The following LAMA3 variants were observed in gnomAD, a reference collection of about 807,000 sequenced individuals.
LAMA3 encodes laminin subunit alpha-3.
In LAMA3, 281 loss-of-function variants were observed where a neutral mutation model predicts 402.0. The observed-to-expected ratio is 0.70, with a 90% CI of 0.63 to 0.77. The LOEUF is 0.77. LAMA3 is among the 30% of genes least tolerant of loss of function. The pLI is 0.00. For synonymous variants in LAMA3, 1,431 were observed against 1,558.4 expected, an observed-to-expected ratio of 0.92 and a Z score of 1.93; for missense variants, 3,840 against 4,215.5, an observed-to-expected ratio of 0.91 and a Z score of 2.47.
chr18:23,884,657 AC>A, intron 40 of LAMA3, 115 bp from the exon 41 acceptor site: 1 of 972,392 alleles, frequency 1.0e-6, no homozygotes, highest in Non-Finnish European at 1.6e-6. Flanking sequence ...ACACAAAGTA[AC>A]CAGACCCTGG....
At chr18:23,756,999 T>G (rs917230516) in intron 6 of LAMA3, among the ~76,000 whole-genome samples, 32 of 145,262 alleles carry the variant, frequency 2.2e-4, no homozygotes, top group Admixed American at 4.8e-4. Context: ...GGGTGAATTC[T>G]GGGTCCAGGA....
chr18:23,709,976 G>A, intron 1 of LAMA3: 1 of 738,898 alleles, frequency 1.4e-6, no homozygotes, highest in Non-Finnish European at 2.5e-6. Context: ...TTTGGTGTTT[G>A]TTGGCTTTAA....
rs191614211 is a variant in LAMA3, at chr18:23,871,358, G to C, written c.4768-73G>C. 5,156 of 1,167,212 alleles carry C rather than the reference G, an allele frequency of 4.4e-3. 30 individuals are homozygous for C. The highest frequency in any genetic ancestry group is 5.5e-3 in the Non-Finnish European group (4,277 of 774,666). The allele number at this position is 1,167,212 out of a possible 1,614,324, so 72.3% of individuals were successfully genotyped here. On this transcript the variant is annotated intron_variant, in intron 37 of 74. Transcript: ENST00000313654. The stretch of plus-strand genomic sequence containing the variant: ...GTGTCTTGTTTTTGATTCATTCGGG[G>C]TGTCTGCCTCTAAGGAACCCCTGGA...
rs546485053 is a variant in LAMA3 at position 23,861,545 on chromosome 18, G to T, written c.4423-101G>T. ...GCATAAAGGAGGCCTCTGAGGCAAGGAGGCTGCCCGTGGAGCTTTCTGTAG... is the reference window on the plus strand; with the variant it reads ...GCATAAAGGAGGCCTCTGAGGCAAGTAGGCTGCCCGTGGAGCTTTCTGTAG... On this transcript the variant is annotated intron_variant, in intron 34 of 74. Coordinates refer to ENST00000313654, the MANE Select transcript of LAMA3 (RefSeq NM_198129.4). The T allele has an allele frequency of 8.4e-4, 1,139 of 1,350,112 alleles. 3 individuals are homozygous for T. Among genetic ancestry groups the T allele is most frequent in the Non-Finnish European group, 1.1e-3 (1,025 of 948,614 alleles). The allele number at this position is 1,350,112 out of a possible 1,614,324, so 83.6% of individuals were successfully genotyped here.
intron 23 of LAMA3, among the ~76,000 whole-genome samples, chr18:23,833,423 C>T (rs1568232988): frequency 6.6e-6 from 1 of 151,996 alleles, no homozygotes; most frequent in Non-Finnish European, 1.5e-5. Flanking sequence ...AGCCCAAAGG[C>T]ACATTTCCAT....
At chr18:23,780,951 G>C (rs1261461840) in intron 11 of LAMA3, among the ~76,000 whole-genome samples, 1 of 152,202 alleles carries the variant, frequency 6.6e-6, no homozygotes, top group Non-Finnish European at 1.5e-5. Context: ...GAAGGAGCAA[G>C]ATAGGAAGCA....
rs1267701341 is a variant in LAMA3 at position 23,740,466 on chromosome 18, C to T, written c.448-7477C>T. Among the ~76,000 whole-genome samples, 3 of 151,874 alleles carry T rather than the reference C, an allele frequency of 2.0e-5. No homozygotes were observed. In the East Asian group the frequency reaches 5.8e-4, roughly 29 times the overall value. ...GTCATTTTCCAAGTTGTTGTGGTGA[C>T]CCAAATCTTTAGACTGAGTTTTGGT... On this transcript the variant is annotated intron_variant, in intron 2 of 74. Transcript: ENST00000313654.
chr18:23,833,681 A>G (rs548643251), intron 23 of LAMA3, 147 bp from the exon 24 acceptor site: 1 of 803,540 alleles, frequency 1.2e-6, no homozygotes, highest in East Asian at 2.5e-5. Flanking sequence ...TGGCATCTCA[A>G]CCTGTAGGAC....
Position 23,810,457 on chromosome 18 carries a change from G to T in LAMA3, c.1695G>T (p.Arg565=). 6.2e-7 allele frequency: 1 copy of T among 1,614,164 alleles called. No individual in the cohort carries two copies. Residue 565 remains arginine, a synonymous_variant, in exon 13 of 75, where the codon CGG becomes CGT. Transcript: ENST00000313654. ...GTCGGCCAGGAGTTACAGGACAGCG[G>T]TGTGACAGGTGTCTCTCAGGAGCTT... ...CECRPGVTGQ[R]CDRCLSGAYD... is the part of the protein sequence containing the mutation.
intron 1 of LAMA3, among the ~76,000 whole-genome samples, chr18:23,695,351 A>G (rs2060664338): frequency 6.6e-6 from 1 of 152,198 alleles, no homozygotes; most frequent in Admixed American, 6.5e-5. Flanking sequence ...CATTCAGTGT[A>G]TGCGTGTTAT....
At chr18:23,690,647 C>A (rs1018939334) in intron 1 of LAMA3, among the ~76,000 whole-genome samples, 8 of 152,068 alleles carry the variant, frequency 5.3e-5, no homozygotes, top group Non-Finnish European at 7.4e-5. Flanking sequence ...ACTCACAGGT[C>A]TCAGCCAGGC....
At chr18:23,802,224 A>C (rs9948714) in intron 12 of LAMA3, among the ~76,000 whole-genome samples, 36,347 of 152,150 alleles carry the variant, frequency 0.24, 6,011 homozygotes, top group East Asian at 0.65. Flanking sequence ...AAAAATAAAA[A>C]ATCTAAAACA....
chr18:23,863,758 T>C (rs2064283307), intron 35 of LAMA3, among the ~76,000 whole-genome samples: 1 of 152,226 alleles, frequency 6.6e-6, no homozygotes, highest in Non-Finnish European at 1.5e-5. Context: ...TTCTGTCTAA[T>C]CAGAGGTGAC....
chr18:23,950,100 C>T lies in LAMA3; in HGVS notation c.9583C>T (p.Leu3195=). 1.2e-6 allele frequency: 2 copies of T among 1,614,070 alleles called. No individual in the cohort carries two copies. The highest frequency in any genetic ancestry group is 1.1e-5 in the South Asian group (1 of 91,072). Residue 3195 remains leucine (L), a synonymous_variant, in exon 72 of 75, where the codon CTA becomes TTA. Coordinates refer to ENST00000313654, the MANE Select transcript of LAMA3 (RefSeq NM_198129.4). ...CCGCCCAAGAAGTCTCACTGGGATC[C>T]TAATACACATCGGAAGTCAGCCCGG... ...SIRPRSLTGI[L]IHIGSQPGKH... is the part of the protein sequence containing the mutation.
At chr18:23,729,546 T>C (rs1258081088) in intron 2 of LAMA3, among the ~76,000 whole-genome samples, 1 of 152,234 alleles carries the variant, frequency 6.6e-6, no homozygotes, top group East Asian at 1.9e-4. Flanking sequence ...TTGTGGTAGA[T>C]AATCTTGTAA....
At chr18:23,693,215 G>A (rs1016353100) in intron 1 of LAMA3, among the ~76,000 whole-genome samples, 2 of 152,062 alleles carry the variant, frequency 1.3e-5, no homozygotes, top group Non-Finnish European at 2.9e-5. Context: ...GTGGTGGCAG[G>A]TGCCTGTAAT....
At chr18:23,844,439 T>A (rs1024321395) in intron 29 of LAMA3, among the ~76,000 whole-genome samples, 18 of 152,194 alleles carry the variant, frequency 1.2e-4, no homozygotes, top group African/African-American at 4.1e-4. Flanking sequence ...ATGGGTCACA[T>A]GGAGCCCTGG....
chr18:23,823,566 C>A (rs752098004), intron 20 of LAMA3, among the ~76,000 whole-genome samples: 8 of 152,178 alleles, frequency 5.3e-5, no homozygotes, highest in Non-Finnish European at 1.0e-4. Context: ...GTCTTCTAGT[C>A]CTTATTCCTC....
chr18:23,789,038 A>G (rs1263811558), intron 12 of LAMA3, among the ~76,000 whole-genome samples: 1 of 152,156 alleles, frequency 6.6e-6, no homozygotes, highest in Non-Finnish European at 1.5e-5. Context: ...TTGAATAGAC[A>G]TTATCTTCCA....
Sources: allele counts gnomAD v4.1 joint callset (sites outside exome capture counted in the v4.1 genomes callset), GRCh38; gene constraint gnomAD v4.1.1; transcripts MANE v1.5; gene names NCBI Gene and HGNC (gene_info 2026-07-23, HGNC 2026-07-21).